Variants in EPB41L2 observed in about 807,000 individuals in gnomAD.
The protein encoded by EPB41L2 is erythrocyte membrane protein band 4.1 like 2.
EPB41L2 carries 43 observed loss-of-function variants against 113.0 expected under a neutral mutation model. The ratio of observed to expected loss-of-function variants is 0.38; its 90% CI spans 0.30 to 0.49. The LOEUF is 0.49. Among genes scored for constraint, EPB41L2 ranks in the 20% least tolerant of loss-of-function variants. EPB41L2 has a pLI of 0.95. For synonymous variants in EPB41L2, 442 were observed against 436.7 expected, an observed-to-expected ratio of 1.01 and a Z score of -0.15; for missense variants, 1,147 against 1,223.4, an observed-to-expected ratio of 0.94 and a Z score of 0.93.
chr6:131,057,589 A>G (rs1797837710), intron 1 of EPB41L2, among the ~76,000 whole-genome samples: 1 of 152,246 alleles, frequency 6.6e-6, no homozygotes, highest in Admixed American at 6.5e-5. Context: ...CCTGAAGCTC[A>G]TCAGCAGGTC....
intron 1 of EPB41L2, among the ~76,000 whole-genome samples, chr6:131,036,895 T>C (rs924947470): frequency 2.0e-5 from 3 of 152,220 alleles, no homozygotes; most frequent in African/African-American, 7.2e-5. Context: ...ATGCACAGAC[T>C]GAAACAAGGC....
intron 18 of EPB41L2, 50 bp downstream of exon 18, chr6:130,863,588 C>T: frequency 1.5e-6 from 2 of 1,328,466 alleles, no homozygotes; most frequent in African/African-American, 1.5e-5. Flanking sequence ...AAATGTGAAA[C>T]TTAGAAAACA....
intron 13 of EPB41L2, 37 bp from the exon 14 acceptor site, chr6:130,878,287 C>T: frequency 6.4e-7 from 1 of 1,555,088 alleles, no homozygotes; most frequent in Non-Finnish European, 8.6e-7. Flanking sequence ...GGGAAAAATC[C>T]AAAAGGAAAA....
chr6:130,897,992 T>C (rs1415840160), intron 8 of EPB41L2, among the ~76,000 whole-genome samples: 1 of 150,270 alleles, frequency 6.7e-6, no homozygotes, highest in Non-Finnish European at 1.5e-5. Context: ...GACTACTTAC[T>C]GACAGAAAAA....
intron 6 of EPB41L2, among the ~76,000 whole-genome samples, chr6:130,902,437 T>C (rs748954151): frequency 7.9e-5 from 12 of 152,206 alleles, no homozygotes; most frequent in Non-Finnish European, 1.5e-4. Flanking sequence ...CCACAGTTAC[T>C]GGAGGGCTTG....
intron 14 of EPB41L2, among the ~76,000 whole-genome samples, chr6:130,872,911 T>C (rs1786228955): frequency 6.6e-6 from 1 of 152,190 alleles, no homozygotes; most frequent in Non-Finnish European, 1.5e-5. Flanking sequence ...TGCTTATTCC[T>C]GTGTTACAGC....
At chr6:130,983,882 TA>T (rs1779934254) in intron 1 of EPB41L2, among the ~76,000 whole-genome samples, 1 of 152,202 alleles carries the variant, frequency 6.6e-6, no homozygotes. Flanking sequence ...TTTTTTTTAA[TA>T]TTTTTATTCA....
chr6:131,021,731 T>C (rs1455361077), intron 1 of EPB41L2, among the ~76,000 whole-genome samples: 2 of 152,136 alleles, frequency 1.3e-5, no homozygotes, highest in African/African-American at 4.8e-5. Flanking sequence ...CACCATTCTG[T>C]TGTATATACT....
intron 1 of EPB41L2, among the ~76,000 whole-genome samples, chr6:130,992,006 GAAGAAAAAA>G (rs747656899): frequency 1.9e-4 from 29 of 150,586 alleles, no homozygotes; most frequent in Non-Finnish European, 2.8e-4. Flanking sequence ...TCAATTAGGG[GAAGAAAAAA>G]AAGAAAAAAA....
At chr6:131,037,143 T>C (rs1270349105) in intron 1 of EPB41L2, among the ~76,000 whole-genome samples, 1 of 152,240 alleles carries the variant, frequency 6.6e-6, no homozygotes. Flanking sequence ...TATTAAACAA[T>C]CTGAACTTTA....
chr6:131,009,819 T>C (rs942755790), intron 1 of EPB41L2, among the ~76,000 whole-genome samples: 3 of 152,256 alleles, frequency 2.0e-5, no homozygotes, highest in African/African-American at 7.2e-5. Context: ...TATGAAAATG[T>C]TTGGTAATAT....
intron 1 of EPB41L2, among the ~76,000 whole-genome samples, chr6:131,023,919 A>C (rs1790219721): frequency 6.6e-6 from 1 of 152,074 alleles, no homozygotes. Flanking sequence ...ACAGTCAGCC[A>C]TTATTATTTC....
chr6:130,902,961 G>A (rs912266383), intron 6 of EPB41L2, among the ~76,000 whole-genome samples: 1 of 152,062 alleles, frequency 6.6e-6, no homozygotes, highest in Non-Finnish European at 1.5e-5. Flanking sequence ...TGAAGATTTC[G>A]ATCATGACAT....
At chr6:130,943,148 T>C (rs912353797) in intron 3 of EPB41L2, among the ~76,000 whole-genome samples, 3 of 152,190 alleles carry the variant, frequency 2.0e-5, no homozygotes, top group African/African-American at 7.2e-5. Context: ...TATTTCTGGT[T>C]CTAGATCCTT....
intron 1 of EPB41L2, among the ~76,000 whole-genome samples, chr6:130,998,706 T>A (rs1343975198): frequency 2.0e-5 from 3 of 152,196 alleles, no homozygotes; most frequent in Admixed American, 6.5e-5. Flanking sequence ...CTGATTACAG[T>A]AAATAAAACC....
rs189256779 is a variant in EPB41L2, at chr6:130,858,470, C to T, written c.2911-227G>A. ...TTCAGTCCACTTTCAAATAATGACA[C>T]GTAGAGGAAACATGTTGGCTTTGAA... is the stretch of plus-strand genomic sequence containing the variant. On this transcript the variant is annotated intron_variant, in intron 18 of 19. Transcript: ENST00000337057. 1,763 of 434,428 alleles carry T rather than the reference C, an allele frequency of 4.1e-3. 41 individuals are homozygous for T. The highest frequency in any genetic ancestry group is 6.9e-4 in the Non-Finnish European group (166 of 240,200). 26.9% of individuals were successfully genotyped at this position (434,428 alleles called of 1,614,324 possible). A position where few individuals can be genotyped will look rare whatever the true frequency, so the allele number is the denominator to read the frequency against.
chr6:130,906,814 G>C (rs1328354448), intron 5 of EPB41L2, among the ~76,000 whole-genome samples: 1 of 152,090 alleles, frequency 6.6e-6, no homozygotes, highest in Non-Finnish European at 1.5e-5. Flanking sequence ...GAAAGAAAGA[G>C]GTAGATACAA....
chr6:130,908,636 C>T (rs929484120), intron 5 of EPB41L2, among the ~76,000 whole-genome samples, 185 bp downstream of exon 5: 4 of 151,986 alleles, frequency 2.6e-5, no homozygotes, highest in Admixed American at 2.6e-4. Context: ...TAGAACCTTC[C>T]CAAAAGTAGG....
intron 19 of EPB41L2, 130 bp from the exon 20 acceptor site, chr6:130,840,728 C>T (rs1282378385): frequency 2.6e-5 from 4 of 151,390 alleles, no homozygotes; most frequent in Admixed American, 2.0e-4. Context: ...CCTAGTCTTA[C>T]ATTAAATAGT....
Sources: gnomAD v4.1 joint callset for allele counts (sites outside exome capture counted in the v4.1 genomes callset) on GRCh38, gnomAD v4.1.1 for gene constraint, MANE v1.5 for transcripts, NCBI Gene and HGNC (gene_info 2026-07-23, HGNC 2026-07-21) for gene names.